The following SGCZ variants were observed in gnomAD, a reference collection of about 807,000 sequenced individuals.
The protein encoded by SGCZ is zeta-sarcoglycan.
A neutral mutation model predicts 41.3 loss-of-function variants in SGCZ; 40 were observed. The observed-to-expected ratio is 0.97, with a 90% CI of 0.75 to 1.26. SGCZ has a LOEUF of 1.26. Among genes scored for constraint, SGCZ ranks in the 50% most tolerant of loss-of-function variants. The pLI is 0.00. For missense variants in SGCZ, 552 were observed against 369.8 expected (o/e 1.49, Z -4.04); for synonymous variants, 206 against 137.5 (o/e 1.50, Z -3.49).
chr8:14,708,224 G>A (rs1220136934), intron 1 of SGCZ, among the ~76,000 whole-genome samples: 1 of 151,764 alleles, frequency 6.6e-6, no homozygotes, highest in Non-Finnish European at 1.5e-5. Context: ...CCCCAGAGTA[G>A]ACTATTTTGC....
intron 2 of SGCZ, among the ~76,000 whole-genome samples, chr8:14,412,250 G>A (rs943135243): frequency 3.3e-5 from 5 of 151,846 alleles, no homozygotes; most frequent in African/African-American, 1.2e-4. Context: ...TTCCTCTTTT[G>A]GAAAAAATCA....
intron 1 of SGCZ, among the ~76,000 whole-genome samples, chr8:14,916,784 T>C (rs1196256000): frequency 3.9e-5 from 6 of 152,190 alleles, no homozygotes; most frequent in Non-Finnish European, 8.8e-5. Context: ...GTGGAATTAA[T>C]CTACACTTAC....
At chr8:14,842,968 T>C (rs1802976850) in intron 1 of SGCZ, among the ~76,000 whole-genome samples, 2 of 152,170 alleles carry the variant, frequency 1.3e-5, no homozygotes, top group South Asian at 4.1e-4. Context: ...ATCCCAGCAC[T>C]CTGGGAGGCC....
chr8:14,241,327 TG>T (rs1798877572), intron 3 of SGCZ, among the ~76,000 whole-genome samples: 1 of 151,328 alleles, frequency 6.6e-6, no homozygotes, highest in South Asian at 2.1e-4. Flanking sequence ...TATTTTCTCA[TG>T]GAATAGTAAT....
chr8:14,308,295 T>C (rs1222714415), intron 3 of SGCZ, among the ~76,000 whole-genome samples: 1 of 152,042 alleles, frequency 6.6e-6, no homozygotes, highest in African/African-American at 2.4e-5. Flanking sequence ...TGACAATAAG[T>C]GATAGGCCTT....
chr8:14,362,323 G>C (rs1006682038), intron 2 of SGCZ, among the ~76,000 whole-genome samples: 4 of 152,170 alleles, frequency 2.6e-5, no homozygotes, highest in African/African-American at 4.8e-5. Flanking sequence ...TGAGCTGTAG[G>C]GGCTCTGCCC....
chr8:15,112,180 G>A (rs1040949385), intron 1 of SGCZ, among the ~76,000 whole-genome samples: 3 of 152,174 alleles, frequency 2.0e-5, no homozygotes, highest in African/African-American at 7.2e-5. Context: ...TTCACCGCGA[G>A]AACATAGTTG....
intron 1 of SGCZ, among the ~76,000 whole-genome samples, chr8:14,971,405 T>A (rs1801292831): frequency 6.6e-6 from 1 of 152,118 alleles, no homozygotes; most frequent in South Asian, 2.1e-4. Context: ...CTAGCTGAAG[T>A]TATCTCACAG....
At chr8:14,546,385 T>C (rs750311024) in intron 2 of SGCZ, among the ~76,000 whole-genome samples, 6 of 152,180 alleles carry the variant, frequency 3.9e-5, no homozygotes, top group Non-Finnish European at 8.8e-5. Context: ...TCGTGGACAA[T>C]GAGTTACTAC....
At chr8:14,426,089 A>C (rs1167137956) in intron 2 of SGCZ, among the ~76,000 whole-genome samples, 1 of 152,138 alleles carries the variant, frequency 6.6e-6, no homozygotes, top group East Asian at 1.9e-4. Flanking sequence ...TTGTTCCTTC[A>C]ACAAATGTTT....
At chr8:14,488,633 A>C (rs564905785) in intron 2 of SGCZ, among the ~76,000 whole-genome samples, 10 of 142,918 alleles carry the variant, frequency 7.0e-5, no homozygotes, top group Non-Finnish European at 1.4e-4. Flanking sequence ...CGCTGTGAGA[A>C]GTTAGGAACC....
intron 5 of SGCZ, among the ~76,000 whole-genome samples, chr8:14,157,884 A>G (rs1014930714): frequency 3.9e-5 from 6 of 152,170 alleles, no homozygotes; most frequent in African/African-American, 1.4e-4. Flanking sequence ...TCATGATGTT[A>G]AAAACACACA....
chr8:14,467,800 G>C (rs116276520), intron 2 of SGCZ, among the ~76,000 whole-genome samples: 117 of 152,124 alleles, frequency 7.7e-4, no homozygotes, highest in African/African-American at 2.7e-3. Context: ...TACTGTAATA[G>C]TATTTAAATA....
intron 1 of SGCZ, among the ~76,000 whole-genome samples, chr8:15,149,490 T>C (rs77666496): frequency 0.033 from 5,018 of 152,230 alleles, 115 homozygotes; most frequent in Non-Finnish European, 0.051. Flanking sequence ...AGCCCTGCTT[T>C]TTGCATTTCC....
At chr8:14,489,080 C>CT (rs148481512) in intron 2 of SGCZ, among the ~76,000 whole-genome samples, 1 of 150,544 alleles carries the variant, frequency 6.6e-6, no homozygotes, top group Non-Finnish European at 1.5e-5. Flanking sequence ...CAGAACGCAT[C>CT]TTTTTTTTCA....
At chr8:14,835,187 G>A (rs1409315600) in intron 1 of SGCZ, among the ~76,000 whole-genome samples, 2 of 152,286 alleles carry the variant, frequency 1.3e-5, no homozygotes, top group East Asian at 1.9e-4. Context: ...TGGGTTACAG[G>A]TGTAGGAAAG....
rs533050627 is a variant in SGCZ at position 14,803,368 on chromosome 8, C to T, written c.40-248442G>A. On this transcript the variant is annotated intron_variant, in intron 1 of 7. Transcript: ENST00000382080. ...GACAGTGGGCGCAGGTCAGTGGGTGCGCGCACCATGCGCAAGCCGAAGCAG... is the reference window on the plus strand; with the variant it reads ...GACAGTGGGCGCAGGTCAGTGGGTGTGCGCACCATGCGCAAGCCGAAGCAG... Among the ~76,000 whole-genome samples the T allele has an allele frequency of 3.3e-5, 5 of 152,174 alleles. No individual in the cohort carries two copies. The East Asian group carries it at 5.9e-4, about 18-fold the overall frequency.
intron 2 of SGCZ, among the ~76,000 whole-genome samples, chr8:14,329,604 CA>C (rs74911709): frequency 0.15 from 22,245 of 152,022 alleles, 2,287 homozygotes; most frequent in East Asian, 0.37. Context: ...CTCAAAAGCC[CA>C]AAGTGTCACC....
intron 2 of SGCZ, among the ~76,000 whole-genome samples, chr8:14,338,071 G>A (rs111776321): frequency 7.9e-5 from 12 of 152,326 alleles, no homozygotes; most frequent in African/African-American, 2.6e-4. Context: ...TGGATGCACA[G>A]GAGACTTAAG....
Sources: gnomAD v4.1 joint callset for allele counts (sites outside exome capture counted in the v4.1 genomes callset) on GRCh38, gnomAD v4.1.1 for gene constraint, MANE v1.5 for transcripts, NCBI Gene and HGNC (gene_info 2026-07-23, HGNC 2026-07-21) for gene names.